The following MARCHF6 variants were observed in gnomAD, a reference collection of about 807,000 sequenced individuals.
The protein encoded by MARCHF6 is membrane associated ring-CH-type finger 6.
Under a neutral mutation model 133.7 loss-of-function variants are expected in MARCHF6, and 31 were observed. The observed-to-expected ratio is 0.23, with a 90% CI of 0.17 to 0.31. The LOEUF is 0.31. Among genes scored for constraint, MARCHF6 ranks in the 10% least tolerant of loss-of-function variants. MARCHF6 has a pLI of 1.00. For missense variants in MARCHF6, 723 were observed against 1,121.6 expected (o/e 0.64, Z 5.08); for synonymous variants, 395 against 402.5 (o/e 0.98, Z 0.22).
At chr5:10,365,003 A>G (rs953451788) in intron 1 of MARCHF6, among the ~76,000 whole-genome samples, 3 of 151,936 alleles carry the variant, frequency 2.0e-5, no homozygotes, top group African/African-American at 7.2e-5. Flanking sequence ...GGGTTTCACC[A>G]TGTTGGCCAA....
At chr5:10,380,155 T>TTGTG (rs200405883) in intron 3 of MARCHF6, among the ~76,000 whole-genome samples, 3,832 of 145,822 alleles carry the variant, frequency 0.026, 64 homozygotes, top group Non-Finnish European at 0.033. Flanking sequence ...TGTGTTTTAG[T>TTGTG]TGTGTGTGTG....
intron 24 of MARCHF6, among the ~76,000 whole-genome samples, chr5:10,429,274 T>A (rs1740248230): frequency 6.6e-6 from 1 of 152,110 alleles, no homozygotes; most frequent in Non-Finnish European, 1.5e-5. Context: ...GTTCTAAAAG[T>A]TTGAGGATTT....
chr5:10,382,808 C>T (rs185835206), intron 4 of MARCHF6, among the ~76,000 whole-genome samples: 5 of 152,222 alleles, frequency 3.3e-5, no homozygotes, highest in South Asian at 2.1e-4. Context: ...GCCTGGGCAA[C>T]GGAGTGAGAC....
intron 1 of MARCHF6, among the ~76,000 whole-genome samples, chr5:10,360,025 A>G (rs934430247): frequency 4.6e-5 from 7 of 151,372 alleles, no homozygotes; most frequent in African/African-American, 1.7e-4. Flanking sequence ...GTAGTACAAT[A>G]TGTGTATTAA....
intron 24 of MARCHF6, among the ~76,000 whole-genome samples, chr5:10,428,764 A>T: frequency 6.6e-6 from 1 of 152,316 alleles, no homozygotes; most frequent in Non-Finnish European, 1.5e-5. Context: ...ATTAGCATAT[A>T]TTATGTTCTG....
intron 1 of MARCHF6, among the ~76,000 whole-genome samples, chr5:10,355,185 G>A (rs969597060): frequency 2.6e-5 from 4 of 152,184 alleles, no homozygotes; most frequent in Non-Finnish European, 1.5e-5. Flanking sequence ...GCCACAGTGT[G>A]TTTATTATAT....
Position 10,438,143 on chromosome 5 carries a change from A to G in MARCHF6, c.*4459A>G, listed in dbSNP as rs1258337875. The stretch of plus-strand genomic sequence containing the variant: ...TACTGCCCACTTCTGCATGTCTGCT[A>G]CGAGATCAGAAAGTCAGTTTCACTA... On this transcript the variant is annotated 3_prime_UTR_variant, in exon 26 of 26. Transcript: ENST00000274140. 3.3e-5 allele frequency: 5 copies of G among 152,200 alleles called. No homozygotes were observed. The highest frequency in any genetic ancestry group is 1.2e-4 in the African/African-American group (5 of 41,436). The allele number at this position is 152,200 out of a possible 1,614,324, so 9.4% of individuals were successfully genotyped here.
intron 15 of MARCHF6, among the ~76,000 whole-genome samples, chr5:10,405,322 T>A (rs1040197485): frequency 6.6e-6 from 1 of 152,128 alleles, no homozygotes; most frequent in African/African-American, 2.4e-5. Context: ...GAATGTTTTT[T>A]TTTTCCCCCG....
intron 22 of MARCHF6, among the ~76,000 whole-genome samples, chr5:10,418,312 C>T (rs1447692203): frequency 2.7e-5 from 4 of 150,562 alleles, no homozygotes; most frequent in Non-Finnish European, 5.9e-5. Flanking sequence ...CCTGGGAGGC[C>T]GCGGTTGCAG....
chr5:10,417,529 T>C (rs1739577208), intron 22 of MARCHF6, 125 bp downstream of exon 22: 10 of 1,258,912 alleles, frequency 7.9e-6, no homozygotes, highest in Non-Finnish European at 1.0e-5. Context: ...GAGGACTGCT[T>C]GCACCCAGGA....
At chr5:10,397,255 T>G in intron 9 of MARCHF6, 38 bp from the exon 10 acceptor site, 2 of 1,428,034 alleles carry the variant, frequency 1.4e-6, no homozygotes, top group Non-Finnish European at 1.9e-6. Context: ...ACATTAAGTA[T>G]GAATTGAATA....
chr5:10,404,299 C>T (rs1228086758), intron 15 of MARCHF6, among the ~76,000 whole-genome samples: 1 of 152,048 alleles, frequency 6.6e-6, no homozygotes, highest in Non-Finnish European at 1.5e-5. Flanking sequence ...AACTCCTGAC[C>T]TCAAATGATC....
At chr5:10,376,827 A>G (rs1169541578) in intron 1 of MARCHF6, among the ~76,000 whole-genome samples, 1 of 152,194 alleles carries the variant, frequency 6.6e-6, no homozygotes. Flanking sequence ...CGTTAAGTGC[A>G]TTAGTGATGG....
At chr5:10,417,709 C>T (rs1487257916) in intron 22 of MARCHF6, among the ~76,000 whole-genome samples, 2 of 136,588 alleles carry the variant, frequency 1.5e-5, no homozygotes, top group African/African-American at 5.5e-5. Context: ...AGAGTAAGAG[C>T]CTCTGTCCAA....
intron 22 of MARCHF6, among the ~76,000 whole-genome samples, chr5:10,423,019 C>T (rs531516375): frequency 3.3e-5 from 5 of 150,034 alleles, no homozygotes; most frequent in African/African-American, 4.9e-5. Context: ...TTTTTAATAC[C>T]GTTTTTTGTT....
At chr5:10,395,151 C>T (rs1738116456) in intron 9 of MARCHF6, among the ~76,000 whole-genome samples, 1 of 152,194 alleles carries the variant, frequency 6.6e-6, no homozygotes, top group African/African-American at 2.4e-5. Context: ...GATTCAGAAA[C>T]TTCACATTTA....
chr5:10,403,076 G>T (rs1738643943), intron 14 of MARCHF6, among the ~76,000 whole-genome samples: 1 of 152,126 alleles, frequency 6.6e-6, no homozygotes, highest in African/African-American at 2.4e-5. Context: ...TTGGTTCTGA[G>T]ATAACATTTA....
chr5:10,384,361 GAT>G (rs1435118110), intron 4 of MARCHF6, among the ~76,000 whole-genome samples: 2 of 151,770 alleles, frequency 1.3e-5, no homozygotes, highest in Non-Finnish European at 2.9e-5. Context: ...AGTGAGAGAA[GAT>G]ATTTGCAGTA....
intron 5 of MARCHF6, among the ~76,000 whole-genome samples, chr5:10,389,919 A>G (rs1228459971): frequency 1.3e-5 from 2 of 152,198 alleles, no homozygotes; most frequent in African/African-American, 4.8e-5. Flanking sequence ...AAACTCTTAG[A>G]GTTGGACAGA....
Sources: allele counts gnomAD v4.1 joint callset (sites outside exome capture counted in the v4.1 genomes callset), GRCh38; gene constraint gnomAD v4.1.1; transcripts MANE v1.5; gene names NCBI Gene and HGNC (gene_info 2026-07-23, HGNC 2026-07-21).